The following DNER variants were observed in gnomAD, a reference collection of about 807,000 sequenced individuals.
DNER encodes the protein delta/notch like EGF repeat containing.
DNER carries 33 observed loss-of-function variants against 78.2 expected under a neutral mutation model. That is an observed-to-expected ratio of 0.42 (90% CI 0.32 to 0.56). The LOEUF (loss-of-function observed/expected upper bound fraction) is 0.56, where lower values mean the gene tolerates loss of function less well. Ranked by LOEUF, DNER falls within the 20% of genes least tolerant of loss-of-function variation. The pLI is 0.11. For missense variants in DNER, 918 were observed against 975.3 expected (o/e 0.94, Z 0.78); for synonymous variants, 417 against 384.8 (o/e 1.08, Z -0.98).
Position 229,407,216 on chromosome 2 carries a change from C to A in DNER, c.1723+16G>T. On this transcript the variant is annotated intron_variant, in intron 10 of 12. Coordinates refer to ENST00000341772, the MANE Select transcript of DNER (RefSeq NM_139072.4). ...TTTGTGGTAAATTTGAAAACTCAGT[C>A]CCTGGAATCACTTGCCTGTAAACCC... The A allele has an allele frequency of 6.3e-7, 1 of 1,593,710 alleles. No individual in the cohort carries two copies. The highest frequency in any genetic ancestry group is 1.1e-5 in the South Asian group (1 of 90,226).
chr2:229,481,818 T>G (rs1224495235), intron 6 of DNER, among the ~76,000 whole-genome samples: 1 of 152,188 alleles, frequency 6.6e-6, no homozygotes, highest in African/African-American at 2.4e-5. Context: ...GCAAGACTGA[T>G]GGTATCGATG....
Position 229,427,068 on chromosome 2 carries a change from T to G in DNER, c.1487-8838A>C, listed in dbSNP as rs140956451. On this transcript the variant is annotated intron_variant, in intron 8 of 12. Coordinates refer to ENST00000341772, the MANE Select transcript of DNER (RefSeq NM_139072.4). ...GACCCAAATCAGTCAATATTTTCAC[T>G]TGCTGTGATTTTTATAAACATTAAA... 7.4e-3 allele frequency among the ~76,000 whole-genome samples: 1,134 copies of G among 152,352 alleles called. 4 individuals carry two copies. The highest frequency in any genetic ancestry group is 0.011 in the Non-Finnish European group (771 of 68,038).
chr2:229,684,662 T>A (rs1170156402), intron 1 of DNER, among the ~76,000 whole-genome samples: 2 of 152,108 alleles, frequency 1.3e-5, no homozygotes, highest in African/African-American at 2.4e-5. Context: ...ATCCAGTGAG[T>A]GACAGAAGTA....
chr2:229,699,615 C>T (rs10175956), intron 1 of DNER, among the ~76,000 whole-genome samples: 43,055 of 151,996 alleles, frequency 0.28, 6,305 homozygotes, highest in East Asian at 0.4. Flanking sequence ...TCCACCCACC[C>T]CACCTTCCCA....
rs768235807 is a variant in DNER at position 229,416,659 on chromosome 2, AT to A, written c.1609+1448del. Among the ~76,000 whole-genome samples the A allele has an allele frequency of 3.3e-5, 5 of 152,216 alleles. No homozygotes were observed. The East Asian group carries it at 5.8e-4, about 18-fold the overall frequency. On this transcript the variant is annotated intron_variant, in intron 9 of 12. Transcript: ENST00000341772. The stretch of plus-strand genomic sequence containing the variant: ...GCACTTCCTCTCTATAAGCTGAAGG[AT>A]TTTTTTGGACTAATCTGTTCATTGA...
At position 229,360,511 on chromosome 2, in the gene DNER, C is replaced by T. The variant is rs1488938146; in HGVS notation, c.2103-1860G>A. On this transcript the variant is annotated intron_variant, in intron 12 of 12. Coordinates refer to ENST00000341772, the MANE Select transcript of DNER (RefSeq NM_139072.4). ...CGCGGCAAGCTCCACCTCCTATGTT[C>T]GTGCCATTCTCCTGCCTCAGCTTCC... Among the ~76,000 whole-genome samples, 8 of 152,144 alleles carry T rather than the reference C, an allele frequency of 5.3e-5. 1 individual carries two copies. Among genetic ancestry groups the T allele is most frequent in the Admixed American group, 6.5e-5 (1 of 15,282 alleles).
chr2:229,473,707 T>G (rs1694976305), intron 7 of DNER, among the ~76,000 whole-genome samples: 1 of 152,106 alleles, frequency 6.6e-6, no homozygotes, highest in South Asian at 2.1e-4. Context: ...TAAAATACAT[T>G]CCCTTTCCTC....
chr2:229,695,602 CT>C (rs1456793991), intron 1 of DNER, among the ~76,000 whole-genome samples: 1 of 151,548 alleles, frequency 6.6e-6, no homozygotes, highest in Non-Finnish European at 1.5e-5. Context: ...AATACAATTT[CT>C]AGAATCCCTT....
intron 11 of DNER, among the ~76,000 whole-genome samples, chr2:229,367,360 G>A (rs1398397825): frequency 1.3e-5 from 2 of 152,154 alleles, no homozygotes; most frequent in South Asian, 2.1e-4. Flanking sequence ...CAGCACTTTG[G>A]GAGGCTGAGG....
intron 4 of DNER, among the ~76,000 whole-genome samples, chr2:229,548,565 G>A (rs1574896967): frequency 6.6e-6 from 1 of 152,214 alleles, no homozygotes; most frequent in East Asian, 1.9e-4. Context: ...ACACAGGGAG[G>A]GGAACATCAC....
intron 11 of DNER, among the ~76,000 whole-genome samples, chr2:229,381,143 T>C (rs1574815616): frequency 6.6e-6 from 1 of 151,892 alleles, no homozygotes; most frequent in South Asian, 2.1e-4. Context: ...CAGGATGGGG[T>C]GTCGCCTCAC....
chr2:229,532,028 A>C (rs1696313097), intron 5 of DNER, among the ~76,000 whole-genome samples: 1 of 152,286 alleles, frequency 6.6e-6, no homozygotes, highest in African/African-American at 2.4e-5. Flanking sequence ...CTGCTTAATG[A>C]ATATGAGGCT....
At chr2:229,420,404 G>A (rs1186061406) in intron 8 of DNER, among the ~76,000 whole-genome samples, 2 of 152,014 alleles carry the variant, frequency 1.3e-5, no homozygotes, top group African/African-American at 2.4e-5. Context: ...TTGTTCCTTT[G>A]TTATGCAGAA....
At chr2:229,480,459 C>A (rs34885955) in intron 6 of DNER, among the ~76,000 whole-genome samples, 19,013 of 151,904 alleles carry the variant, frequency 0.13, 1,333 homozygotes, top group South Asian at 0.2. Flanking sequence ...TAATAATATC[C>A]ACAATTTTCT....
At chr2:229,628,517 T>C (rs1356480295) in intron 1 of DNER, among the ~76,000 whole-genome samples, 2 of 152,202 alleles carry the variant, frequency 1.3e-5, no homozygotes, top group Non-Finnish European at 2.9e-5. Flanking sequence ...TTTGAACGAC[T>C]GGGCCTTTTG....
chr2:229,646,953 G>T (rs999747407), intron 1 of DNER, among the ~76,000 whole-genome samples: 3 of 152,250 alleles, frequency 2.0e-5, no homozygotes, highest in Non-Finnish European at 4.4e-5. Context: ...TGGATCACAA[G>T]GTCAAGAGAT....
At chr2:229,388,104 G>A (rs1180091706) in intron 11 of DNER, among the ~76,000 whole-genome samples, 161 bp downstream of exon 11, 1 of 152,064 alleles carries the variant, frequency 6.6e-6, no homozygotes. Context: ...GCACCAAAAT[G>A]GGGCAAGTGT....
intron 7 of DNER, among the ~76,000 whole-genome samples, chr2:229,452,375 A>G (rs541932431): frequency 6.6e-6 from 1 of 152,322 alleles, no homozygotes; most frequent in South Asian, 2.1e-4. Flanking sequence ...ATGTAACATA[A>G]GTCAAAAATG....
At chr2:229,463,673 C>A (rs1694747094) in intron 7 of DNER, among the ~76,000 whole-genome samples, 1 of 152,158 alleles carries the variant, frequency 6.6e-6, no homozygotes. Context: ...CTCCTGCCCT[C>A]AAGGGATCCT....
Sources: gnomAD v4.1 joint callset for allele counts (sites outside exome capture counted in the v4.1 genomes callset) on GRCh38, gnomAD v4.1.1 for gene constraint, MANE v1.5 for transcripts, NCBI Gene and HGNC (gene_info 2026-07-23, HGNC 2026-07-21) for gene names.